The following C9orf57 variants were observed in gnomAD, a reference collection of about 807,000 sequenced individuals.
C9orf57 encodes chromosome 9 open reading frame 57.
In C9orf57, 12 loss-of-function variants were observed where a neutral mutation model predicts 12.9. The ratio of observed to expected loss-of-function variants is 0.93; its 90% CI spans 0.60 to 1.51. C9orf57 has a LOEUF of 1.51. Among genes scored for constraint, C9orf57 ranks in the 40% most tolerant of loss-of-function variants. The probability of loss-of-function intolerance (pLI) is 0.00; values close to 1 mark genes in which losing one functional copy is unlikely to be tolerated. For synonymous variants in C9orf57, 49 were observed against 57.1 expected (o/e 0.86, Z 0.64); for missense variants, 141 against 162.8 (o/e 0.87, Z 0.73).
chr9:72,057,386 C>T (rs1395086487), intron 2 of C9orf57, among the ~76,000 whole-genome samples: 3 of 151,804 alleles, frequency 2.0e-5, no homozygotes, highest in Non-Finnish European at 4.4e-5. Context: ...CCACCAGGCC[C>T]GGCTAATATT....
intron 4 of C9orf57, among the ~76,000 whole-genome samples, chr9:72,053,793 TAG>T (rs1034410879): frequency 3.9e-5 from 6 of 152,156 alleles, no homozygotes; most frequent in Non-Finnish European, 7.4e-5. Flanking sequence ...CAGAAAAATT[TAG>T]AGTTTTGTTT....
intron 1 of C9orf57, among the ~76,000 whole-genome samples, 194 bp downstream of exon 1, chr9:72,060,303 C>G (rs1824306171): frequency 6.6e-6 from 1 of 152,172 alleles, no homozygotes; most frequent in Non-Finnish European, 1.5e-5. Flanking sequence ...CCTTGGTCTC[C>G]CAAAGTGCTG....
At chr9:72,056,286 T>G in intron 3 of C9orf57, 90 bp from the exon 4 acceptor site, 1 of 952,752 alleles carries the variant, frequency 1.0e-6, no homozygotes, top group Non-Finnish European at 1.4e-6. Context: ...AATAAAGTAG[T>G]GATTTTTGAC....
intron 4 of C9orf57, among the ~76,000 whole-genome samples, chr9:72,053,682 T>C (rs550555882): frequency 1.3e-5 from 2 of 152,258 alleles, no homozygotes; most frequent in East Asian, 3.9e-4. Flanking sequence ...CAAGTAACCC[T>C]CTTAATACCA....
chr9:72,054,914 A>AAT (rs763539860), intron 4 of C9orf57, among the ~76,000 whole-genome samples: 2 of 96,518 alleles, frequency 2.1e-5, no homozygotes, highest in East Asian at 3.0e-4. Context: ...GGGGTTTGGG[A>AAT]TTTTTTTTTT....
chr9:72,052,032 C>T lies in C9orf57; in HGVS notation c.*264G>A. 2.6e-6 allele frequency: 1 copy of T among 377,582 alleles called. No homozygotes were observed. The highest frequency in any genetic ancestry group is 4.8e-6 in the Non-Finnish European group (1 of 210,038). 23.4% of individuals were successfully genotyped at this position (377,582 alleles called of 1,614,324 possible). On this transcript the variant is annotated 3_prime_UTR_variant, in exon 5 of 5. Coordinates refer to ENST00000651200, the MANE Select transcript of C9orf57 (RefSeq NM_001128618.2). ...ACTAACATTTTTCCTTCTTTGTAGC[C>T]TTGTGGTAGGAAGGTAAATTAAGCA...
At chr9:72,054,664 T>C (rs1186994284) in intron 4 of C9orf57, among the ~76,000 whole-genome samples, 1 of 152,188 alleles carries the variant, frequency 6.6e-6, no homozygotes, top group Non-Finnish European at 1.5e-5. Context: ...AGGTTACTTA[T>C]ATTGATCCTT....
At chr9:72,058,788 G>A (rs548310257) in intron 2 of C9orf57, among the ~76,000 whole-genome samples, 1 of 152,224 alleles carries the variant, frequency 6.6e-6, no homozygotes, top group African/African-American at 2.4e-5. Flanking sequence ...TTTTCCCCAG[G>A]CTCAACCTCA....
intron 2 of C9orf57, among the ~76,000 whole-genome samples, chr9:72,058,973 G>A (rs1347722921): frequency 1.3e-5 from 2 of 152,056 alleles, no homozygotes; most frequent in African/African-American, 4.8e-5. Flanking sequence ...TGCCTCCTGG[G>A]TTCAAGCAAT....
At chr9:72,054,439 T>G (rs1017047260) in intron 4 of C9orf57, among the ~76,000 whole-genome samples, 1 of 152,218 alleles carries the variant, frequency 6.6e-6, no homozygotes, top group Non-Finnish European at 1.5e-5. Context: ...TATTTAAAAT[T>G]TTAATGGAAA....
intron 4 of C9orf57, among the ~76,000 whole-genome samples, chr9:72,055,077 C>T (rs1824162099): frequency 6.6e-6 from 1 of 150,616 alleles, no homozygotes; most frequent in African/African-American, 2.4e-5. Context: ...TGGTGCAAGC[C>T]ACCATGCGCG....
In C9orf57 at chr9:72,060,557, G is replaced by T; in HGVS notation, c.-114C>A. ...TGGGTCTGAACTTTCTTAAAAGGAT[G>T]AGAACGAGTACAATTTGTGATGTGA... On this transcript the variant is annotated 5_prime_UTR_variant, in exon 1 of 5. Transcript: ENST00000651200. 6.5e-7 allele frequency: 1 copy of T among 1,548,858 alleles called. No individual in the cohort carries two copies. Among genetic ancestry groups the T allele is most frequent in the Non-Finnish European group, 8.7e-7 (1 of 1,145,326 alleles).
At chr9:72,055,756 T>G (rs1423056126) in intron 4 of C9orf57, among the ~76,000 whole-genome samples, 1 of 152,156 alleles carries the variant, frequency 6.6e-6, no homozygotes, top group Non-Finnish European at 1.5e-5. Context: ...TTTTTGTGAG[T>G]ACGTGAGTGG....
chr9:72,053,745 T>C (rs1251373350), intron 4 of C9orf57, among the ~76,000 whole-genome samples: 1 of 152,222 alleles, frequency 6.6e-6, no homozygotes, highest in Non-Finnish European at 1.5e-5. Context: ...AAACTAATTT[T>C]GATCTCCTCT....
chr9:72,058,375 G>T (rs1344070790), intron 2 of C9orf57, among the ~76,000 whole-genome samples: 1 of 152,094 alleles, frequency 6.6e-6, no homozygotes, highest in Non-Finnish European at 1.5e-5. Flanking sequence ...TGCCCAGGCT[G>T]GTCTTGAACT....
intron 2 of C9orf57, 80 bp from the exon 3 acceptor site, chr9:72,056,923 T>TC: frequency 7.9e-7 from 1 of 1,271,376 alleles, no homozygotes; most frequent in East Asian, 2.6e-5. Flanking sequence ...TTTTTTTTTT[T>TC]TTTGAGACAG....
chr9:72,060,292 AC>A (rs1187340685), intron 1 of C9orf57, among the ~76,000 whole-genome samples: 1 of 152,012 alleles, frequency 6.6e-6, no homozygotes, highest in African/African-American at 2.4e-5. Flanking sequence ...TGATCCACCC[AC>A]CTTGGTCTCC....
intron 3 of C9orf57, among the ~76,000 whole-genome samples, chr9:72,056,444 T>C (rs1190833351): frequency 6.6e-6 from 1 of 151,424 alleles, no homozygotes; most frequent in Non-Finnish European, 1.5e-5. Flanking sequence ...GCTCTGAAAA[T>C]TGTGTATTAC....
At chr9:72,059,163 G>A in intron 2 of C9orf57, 72 bp downstream of exon 2, 3 of 1,534,116 alleles carry the variant, frequency 2.0e-6, no homozygotes, top group Non-Finnish European at 2.6e-6. Flanking sequence ...ACAGGCGTGA[G>A]CCGCCACGCT....
Sources: gnomAD v4.1 joint callset for allele counts (sites outside exome capture counted in the v4.1 genomes callset) on GRCh38, gnomAD v4.1.1 for gene constraint, MANE v1.5 for transcripts, NCBI Gene and HGNC (gene_info 2026-07-23, HGNC 2026-07-21) for gene names.